Variants in SHISA6 observed in about 807,000 individuals in gnomAD.
The protein encoded by SHISA6 is shisa family member 6, also known as protein shisa-6.
A neutral mutation model predicts 47.9 loss-of-function variants in SHISA6; 22 were observed. That is an observed-to-expected ratio of 0.46 (90% confidence interval 0.33 to 0.66). SHISA6 has a LOEUF of 0.66. Among genes scored for constraint, SHISA6 ranks in the 30% least tolerant of loss-of-function variants. The pLI is 0.02. For missense variants in SHISA6, 680 were observed against 764.6 expected (o/e 0.89, Z 1.30); for synonymous variants, 388 against 337.8 (o/e 1.15, Z -1.63).
intron 2 of SHISA6, among the ~76,000 whole-genome samples, chr17:11,330,337 G>C (rs1203736485): frequency 6.6e-6 from 1 of 152,086 alleles, no homozygotes; most frequent in Non-Finnish European, 1.5e-5. Context: ...CCAATGTTAG[G>C]GCTTCCAGGT....
chr17:11,377,356 A>G (rs1912839599), intron 2 of SHISA6, among the ~76,000 whole-genome samples: 1 of 152,186 alleles, frequency 6.6e-6, no homozygotes, highest in Non-Finnish European at 1.5e-5. Flanking sequence ...GCCCTAAGGA[A>G]GGAGGTAACT....
chr17:11,360,144 G>T (rs1022777582), intron 2 of SHISA6, among the ~76,000 whole-genome samples: 1 of 152,184 alleles, frequency 6.6e-6, no homozygotes, highest in Non-Finnish European at 1.5e-5. Flanking sequence ...GCCACAAAAA[G>T]GATGAGTTCA....
chr17:11,413,339 C>T (rs965952333), intron 3 of SHISA6, among the ~76,000 whole-genome samples: 2 of 152,312 alleles, frequency 1.3e-5, no homozygotes, highest in Admixed American at 6.5e-5. Flanking sequence ...AACAAGATGT[C>T]TGTGTTCACC....
rs577708189 is a variant in SHISA6, at chr17:11,516,884, C to T, written c.896-35012C>T. 5.3e-5 allele frequency among the ~76,000 whole-genome samples: 8 copies of T among 152,308 alleles called. No individual in the cohort carries two copies. The South Asian group carries it at 1.7e-3, about 32-fold the overall frequency. Reference sequence around the variant, plus strand: ...GGATTAAAAAATCCCCAAAGCTACACCACTTGCTGCAGCCAAGCCCAACCC... The same window carrying T: ...GGATTAAAAAATCCCCAAAGCTACATCACTTGCTGCAGCCAAGCCCAACCC... On this transcript the variant is annotated intron_variant, in intron 3 of 5. Transcript: ENST00000441885.
intron 3 of SHISA6, among the ~76,000 whole-genome samples, chr17:11,536,797 T>G (rs947163391): frequency 1.3e-5 from 2 of 152,132 alleles, no homozygotes. Flanking sequence ...CCCATGGGTA[T>G]GATTTAAATA....
intron 3 of SHISA6, among the ~76,000 whole-genome samples, chr17:11,466,002 G>A (rs1400297541): frequency 6.6e-6 from 1 of 152,052 alleles, no homozygotes; most frequent in Non-Finnish European, 1.5e-5. Context: ...TCTGGGGAAG[G>A]GACTACAACT....
At chr17:11,438,551 TAGAG>T (rs1262894748) in intron 3 of SHISA6, among the ~76,000 whole-genome samples, 2 of 151,990 alleles carry the variant, frequency 1.3e-5, no homozygotes, top group African/African-American at 4.8e-5. Flanking sequence ...GGGAGGCAGA[TAGAG>T]AGAGAGAAAG....
intron 3 of SHISA6, among the ~76,000 whole-genome samples, chr17:11,477,399 T>TTTC (rs1434268441): frequency 2.6e-5 from 4 of 152,226 alleles, no homozygotes; most frequent in Non-Finnish European, 5.9e-5. Flanking sequence ...TTTTCTCTAA[T>TTTC]TTCTTAACCT....
intron 2 of SHISA6, among the ~76,000 whole-genome samples, chr17:11,366,562 A>G (rs368028455): frequency 6.6e-6 from 1 of 152,202 alleles, no homozygotes; most frequent in East Asian, 1.9e-4. Flanking sequence ...TAGAGAGTCG[A>G]TGGAAGTGGG....
chr17:11,380,311 G>C (rs1912967569), intron 3 of SHISA6: 1 of 152,108 alleles, frequency 6.6e-6, no homozygotes, highest in Admixed American at 6.5e-5. Context: ...GAGTAAACAA[G>C]GAACTGTGCA....
At chr17:11,314,291 G>C (rs1910432817) in intron 2 of SHISA6, among the ~76,000 whole-genome samples, 1 of 151,940 alleles carries the variant, frequency 6.6e-6, no homozygotes, top group African/African-American at 2.4e-5. Flanking sequence ...CTTTATTGGT[G>C]CTGAGTATTT....
rs182307451 is a variant in SHISA6 at position 11,243,330 on chromosome 17, G to A, written c.638+1270G>A. On this transcript the variant is annotated intron_variant, in intron 1 of 5. Transcript: ENST00000441885. ...TTTTTTTCTGCTTGATACTGTGGGT[G>A]TTGAGAGAAATGATACTCCCTGGAA... 2.6e-5 allele frequency among the ~76,000 whole-genome samples: 4 copies of A among 151,902 alleles called. No individual in the cohort carries two copies. The East Asian group carries it at 7.8e-4, about 30-fold the overall frequency.
intron 3 of SHISA6, among the ~76,000 whole-genome samples, chr17:11,382,203 G>T (rs999878): frequency 2.6e-5 from 4 of 151,964 alleles, no homozygotes. Flanking sequence ...CTCTTGAGTA[G>T]CTGGGACTAC....
rs373056690 is a variant in SHISA6, at chr17:11,354,487, G to A, written c.800-24927G>A. Among the ~76,000 whole-genome samples, 61 of 152,282 alleles carry A rather than the reference G, an allele frequency of 4.0e-4. 2 individuals are homozygous for A. The South Asian group carries it at 0.012, about 31-fold the overall frequency. On this transcript the variant is annotated intron_variant, in intron 2 of 5. Transcript: ENST00000441885. ...GACATCCACCAAGCAGGGACCCTCC[G>A]ACCTCATGTTCCATTCTCCACATTC...
chr17:11,557,694 C>A, intron 5 of SHISA6, 60 bp from the exon 6 acceptor site: 1 of 1,469,666 alleles, frequency 6.8e-7, no homozygotes, highest in Non-Finnish European at 9.1e-7. Flanking sequence ...AGGGTTCTAT[C>A]TGAGTCCTGG....
intron 3 of SHISA6, among the ~76,000 whole-genome samples, chr17:11,481,492 AGTTT>A (rs10584880): frequency 0.26 from 38,454 of 149,182 alleles, 4,916 homozygotes; most frequent in Admixed American, 0.3. Flanking sequence ...GACAAACTGA[AGTTT>A]GTTTTTTTTT....
chr17:11,554,971 G>T (rs1175290446), intron 4 of SHISA6, among the ~76,000 whole-genome samples: 1 of 151,886 alleles, frequency 6.6e-6, no homozygotes, highest in Admixed American at 6.6e-5. Flanking sequence ...CCCAGCTCTG[G>T]CAATGAACAA....
chr17:11,284,127 C>G (rs2054456072), intron 2 of SHISA6, among the ~76,000 whole-genome samples: 1 of 152,224 alleles, frequency 6.6e-6, no homozygotes, highest in African/African-American at 2.4e-5. Flanking sequence ...CAATCCTCCC[C>G]CTACCTCATC....
chr17:11,301,837 AG>A (rs1909938994), intron 2 of SHISA6, among the ~76,000 whole-genome samples: 1 of 152,094 alleles, frequency 6.6e-6, no homozygotes, highest in Non-Finnish European at 1.5e-5. Context: ...TGGCTTTAGG[AG>A]CCTTGTATTC....
Sources: allele counts gnomAD v4.1 joint callset (sites outside exome capture counted in the v4.1 genomes callset), GRCh38; gene constraint gnomAD v4.1.1; transcripts MANE v1.5; gene names NCBI Gene and HGNC (gene_info 2026-07-23, HGNC 2026-07-21).